MTUS2: variants seen among roughly 807,000 people sequenced by gnomAD.
The protein encoded by MTUS2 is microtubule-associated tumor suppressor candidate 2.
Under a neutral mutation model 114.1 loss-of-function variants are expected in MTUS2, and 40 were observed. The observed-to-expected ratio is 0.35, with a 90% CI of 0.27 to 0.46. The LOEUF (loss-of-function observed/expected upper bound fraction) is 0.46, where lower values mean the gene tolerates loss of function less well. Ranked by LOEUF, MTUS2 falls within the 20% of genes least tolerant of loss-of-function variation. The pLI, the probability that MTUS2 is intolerant of heterozygous loss-of-function variation, is 1.00. For missense variants in MTUS2, 1,679 were observed against 1,705.4 expected (o/e 0.98, Z 0.27); for synonymous variants, 688 against 672.0 (o/e 1.02, Z -0.37).
At chr13:29,000,200 GT>G (rs1376731467) in intron 2 of MTUS2, among the ~76,000 whole-genome samples, 5 of 152,158 alleles carry the variant, frequency 3.3e-5, no homozygotes, top group Non-Finnish European at 7.4e-5. Context: ...CTCCATACTG[GT>G]TTCCATAGCA....
At chr13:29,057,734 T>G (rs558559925) in intron 4 of MTUS2, among the ~76,000 whole-genome samples, 1 of 152,252 alleles carries the variant, frequency 6.6e-6, no homozygotes, top group South Asian at 2.1e-4. Flanking sequence ...TACAGTCAGG[T>G]TTTAGTCCTT....
chr13:28,850,776 A>G (rs1033222686), intron 2 of MTUS2, among the ~76,000 whole-genome samples: 2 of 152,180 alleles, frequency 1.3e-5, no homozygotes, highest in Non-Finnish European at 2.9e-5. Flanking sequence ...GATATATTAA[A>G]ATTAAAATCT....
At chr13:28,944,610 T>C (rs1882422095) in intron 2 of MTUS2, among the ~76,000 whole-genome samples, 1 of 152,228 alleles carries the variant, frequency 6.6e-6, no homozygotes, top group African/African-American at 2.4e-5. Context: ...ACATTGCTTA[T>C]TTATGCCACA....
chr13:29,085,323 G>A (rs1170401580), intron 4 of MTUS2, among the ~76,000 whole-genome samples: 2 of 152,120 alleles, frequency 1.3e-5, no homozygotes, highest in Middle Eastern at 3.2e-3. Context: ...GTACATGTGA[G>A]GTTTGTTACA....
intron 5 of MTUS2, among the ~76,000 whole-genome samples, chr13:29,228,557 C>A (rs1896202184): frequency 6.6e-6 from 1 of 152,128 alleles, no homozygotes; most frequent in Non-Finnish European, 1.5e-5. Flanking sequence ...TGGGCTCAAG[C>A]AGTCCTCCTG....
At chr13:28,896,852 T>C (rs2137939298) in intron 2 of MTUS2, among the ~76,000 whole-genome samples, 1 of 152,340 alleles carries the variant, frequency 6.6e-6, no homozygotes, top group East Asian at 1.9e-4. Flanking sequence ...TAGCCTTATG[T>C]AGAAAGCTGA....
chr13:28,983,308 C>G (rs2138303443), intron 2 of MTUS2, among the ~76,000 whole-genome samples: 1 of 152,316 alleles, frequency 6.6e-6, no homozygotes, highest in East Asian at 1.9e-4. Context: ...TTGTCATTCA[C>G]TTACAGTGAC....
At chr13:28,980,504 G>A (rs533390567) in intron 2 of MTUS2, among the ~76,000 whole-genome samples, 13 of 152,258 alleles carry the variant, frequency 8.5e-5, no homozygotes, top group African/African-American at 2.9e-4. Flanking sequence ...CATAAAAATA[G>A]CGTAGTATAT....
intron 2 of MTUS2, among the ~76,000 whole-genome samples, chr13:28,916,799 A>G (rs1880769882): frequency 6.6e-6 from 1 of 151,832 alleles, no homozygotes; most frequent in East Asian, 1.9e-4. Flanking sequence ...GACTTCCAGT[A>G]CTATCCTGAG....
chr13:28,872,315 G>C (rs1278785226), intron 2 of MTUS2, among the ~76,000 whole-genome samples: 1 of 152,108 alleles, frequency 6.6e-6, no homozygotes, highest in Non-Finnish European at 1.5e-5. Context: ...TTTGTCCTGA[G>C]CATTTGAGTA....
intron 2 of MTUS2, among the ~76,000 whole-genome samples, chr13:28,928,908 C>T (rs116477669): frequency 0.018 from 2,731 of 152,204 alleles, 75 homozygotes; most frequent in African/African-American, 0.062. Context: ...GATATGTGTG[C>T]GTATGTGTGT....
At chr13:28,929,659 G>T (rs915481231) in intron 2 of MTUS2, among the ~76,000 whole-genome samples, 1 of 152,156 alleles carries the variant, frequency 6.6e-6, no homozygotes, top group African/African-American at 2.4e-5. Flanking sequence ...AAAATCCAGG[G>T]TGAATGAGGG....
At chr13:28,966,741 A>G (rs111523736) in intron 2 of MTUS2, among the ~76,000 whole-genome samples, 1 of 151,504 alleles carries the variant, frequency 6.6e-6, no homozygotes, top group African/African-American at 2.4e-5. Flanking sequence ...AAAAAAAAAA[A>G]AAAAAAACAA....
intron 9 of MTUS2, among the ~76,000 whole-genome samples, chr13:29,461,984 C>T (rs1236193907): frequency 6.6e-6 from 1 of 152,104 alleles, no homozygotes; most frequent in East Asian, 1.9e-4. Flanking sequence ...CAGGTGTCTG[C>T]TGAGGGAGCT....
At chr13:29,316,952 T>C (rs1040821563) in intron 6 of MTUS2, among the ~76,000 whole-genome samples, 1 of 152,222 alleles carries the variant, frequency 6.6e-6, no homozygotes, top group African/African-American at 2.4e-5. Context: ...TTATTTGTGC[T>C]TAGTAATGAA....
At chr13:29,097,482 T>C (rs935958688) in intron 4 of MTUS2, among the ~76,000 whole-genome samples, 1 of 152,204 alleles carries the variant, frequency 6.6e-6, no homozygotes, top group Non-Finnish European at 1.5e-5. Context: ...CTTGTAACAT[T>C]TGTATTTCTG....
chr13:29,014,983 C>T (rs1446002265), intron 2 of MTUS2, among the ~76,000 whole-genome samples: 1 of 152,190 alleles, frequency 6.6e-6, no homozygotes, highest in Admixed American at 6.5e-5. Flanking sequence ...GACACAGTGC[C>T]CGGGATGACT....
chr13:29,460,655 G>A (rs182133327), intron 9 of MTUS2, among the ~76,000 whole-genome samples: 19 of 152,092 alleles, frequency 1.2e-4, no homozygotes, highest in South Asian at 6.2e-4. Context: ...TTCATCTGTC[G>A]TGTTGAGAAA....
intron 11 of MTUS2, among the ~76,000 whole-genome samples, chr13:29,488,778 G>C (rs1406059370): frequency 1.3e-5 from 2 of 152,230 alleles, no homozygotes; most frequent in Non-Finnish European, 2.9e-5. Context: ...TGTGCGTTAA[G>C]TCTCCAGATC....
Sources: gnomAD v4.1 joint callset for allele counts (sites outside exome capture counted in the v4.1 genomes callset) on GRCh38, gnomAD v4.1.1 for gene constraint, MANE v1.5 for transcripts, NCBI Gene and HGNC (gene_info 2026-07-23, HGNC 2026-07-21) for gene names.